Variants in PTPRD observed in about 807,000 individuals in gnomAD.
PTPRD encodes protein tyrosine phosphatase receptor type D.
A neutral mutation model predicts 214.5 loss-of-function variants in PTPRD; 34 were observed. That is an observed-to-expected ratio of 0.16 (90% confidence interval 0.12 to 0.21). The LOEUF is 0.21. Ranked by LOEUF, PTPRD falls within the 10% of genes least tolerant of loss-of-function variation. The pLI, the probability that PTPRD is intolerant of heterozygous loss-of-function variation, is 1.00. For missense variants in PTPRD, 2,545 were observed against 2,398.7 expected (o/e 1.06, Z -1.27); for synonymous variants, 1,128 against 845.7 (o/e 1.33, Z -5.79).
intron 37 of PTPRD, among the ~76,000 whole-genome samples, chr9:8,388,849 T>C (rs1211334205): frequency 6.6e-6 from 1 of 152,214 alleles, no homozygotes; most frequent in Non-Finnish European, 1.5e-5. Context: ...AAAGAAAAAG[T>C]TGAAAATAGT....
In PTPRD at chr9:8,768,936, T is replaced by C. The variant is rs1299220176; in HGVS notation, c.-103-34990A>G. On this transcript the variant is annotated intron_variant, in intron 11 of 45. Transcript: ENST00000381196. ...GGGTAGTCTAATGCCGTTCTTACCATGTTATAGCACTATATAATAAAAACA... is the reference window on the plus strand; with the variant it reads ...GGGTAGTCTAATGCCGTTCTTACCACGTTATAGCACTATATAATAAAAACA... 2.0e-5 allele frequency among the ~76,000 whole-genome samples: 3 copies of C among 152,208 alleles called. No individual in the cohort carries two copies. In the East Asian group the frequency reaches 5.8e-4, roughly 29 times the overall value.
chr9:9,698,877 A>G (rs879673911), intron 7 of PTPRD, among the ~76,000 whole-genome samples: 25 of 152,178 alleles, frequency 1.6e-4, no homozygotes, highest in Non-Finnish European at 3.2e-4. Flanking sequence ...AACTCCTAGC[A>G]TGGAGTTTTT....
chr9:9,865,607 A>T (rs1444827904), intron 5 of PTPRD, among the ~76,000 whole-genome samples: 3 of 152,192 alleles, frequency 2.0e-5, no homozygotes, highest in African/African-American at 7.2e-5. Flanking sequence ...CCAGTTTCAG[A>T]TATTCTGTTA....
chr9:8,697,098 G>C (rs1471498967), intron 12 of PTPRD, among the ~76,000 whole-genome samples: 1 of 152,122 alleles, frequency 6.6e-6, no homozygotes, highest in East Asian at 1.9e-4. Flanking sequence ...TCTAGTATTT[G>C]GCTTTTGGAC....
intron 21 of PTPRD, among the ~76,000 whole-genome samples, chr9:8,508,393 C>T (rs993205713): frequency 1.3e-5 from 2 of 152,196 alleles, no homozygotes; most frequent in Admixed American, 6.5e-5. Context: ...GTCAGGGTGT[C>T]GCTGGCACAT....
chr9:9,574,727 CT>C lies in PTPRD; in HGVS notation c.-237+4del, dbSNP rs1377483704. Reference sequence around the variant, plus strand: ...TAAAATTAGGTAAATTAATTATAATCTTACCGTAAGCTCACAGGTTAGGAAT... The same window carrying C: ...TAAAATTAGGTAAATTAATTATAATCTACCGTAAGCTCACAGGTTAGGAAT... On this transcript the variant is annotated splice_donor_region_variant and intron_variant, in intron 8 of 45. Transcript: ENST00000381196. The C allele has an allele frequency of 6.6e-6, 1 of 151,926 alleles. No individual in the cohort carries two copies. Among genetic ancestry groups the C allele is most frequent in the African/African-American group, 2.4e-5 (1 of 41,386 alleles). The allele number at this position is 151,926 out of a possible 1,614,324, so 9.4% of individuals were successfully genotyped here.
intron 3 of PTPRD, among the ~76,000 whole-genome samples, chr9:10,072,391 C>T (rs572048652): frequency 3.4e-4 from 52 of 152,080 alleles, no homozygotes; most frequent in African/African-American, 1.2e-3. Flanking sequence ...GTGATCTTGC[C>T]GACTTCAAGA....
intron 9 of PTPRD, among the ~76,000 whole-genome samples, chr9:9,338,800 A>G (rs149645366): frequency 0.012 from 1,849 of 152,130 alleles, 34 homozygotes; most frequent in African/African-American, 0.042. Context: ...CCATCAACCC[A>G]TCATCTACAT....
At chr9:10,229,318 G>T (rs2099600164) in intron 3 of PTPRD, among the ~76,000 whole-genome samples, 1 of 152,020 alleles carries the variant, frequency 6.6e-6, no homozygotes, top group African/African-American at 2.4e-5. Flanking sequence ...TCTAGAACTA[G>T]CAATACCATT....
chr9:10,420,943 G>T (rs528130789), intron 2 of PTPRD, among the ~76,000 whole-genome samples: 5 of 151,736 alleles, frequency 3.3e-5, no homozygotes, highest in Non-Finnish European at 7.4e-5. Flanking sequence ...CTTCACTGAG[G>T]AGGCCAATGT....
rs115973679 is a variant in PTPRD at position 9,336,662 on chromosome 9, T to C, written c.-203+60787A>G. 6.5e-3 allele frequency among the ~76,000 whole-genome samples: 997 copies of C among 152,276 alleles called. 11 individuals carry two copies. The highest frequency in any genetic ancestry group is 0.023 in the African/African-American group (945 of 41,572). On this transcript the variant is annotated intron_variant, in intron 9 of 45. Coordinates refer to ENST00000381196, the MANE Select transcript of PTPRD (RefSeq NM_002839.4). ...ACCACATTTGATCCAGGCAGAAATA[T>C]GCTAATATTTTTTAAATGATAAATA... is the stretch of plus-strand genomic sequence containing the variant.
At chr9:8,323,319 C>G (rs1830329265) in intron 44 of PTPRD, among the ~76,000 whole-genome samples, 1 of 152,126 alleles carries the variant, frequency 6.6e-6, no homozygotes, top group Admixed American at 6.5e-5. Flanking sequence ...CCCAATGGAT[C>G]AAGGAGGAAT....
intron 9 of PTPRD, among the ~76,000 whole-genome samples, chr9:9,331,908 A>G (rs1266450363): frequency 6.6e-6 from 1 of 152,006 alleles, no homozygotes; most frequent in Non-Finnish European, 1.5e-5. Flanking sequence ...TTCTGGGGAA[A>G]CTGGAGGGGA....
chr9:8,792,917 T>G (rs909944674), intron 11 of PTPRD, among the ~76,000 whole-genome samples: 6 of 152,174 alleles, frequency 3.9e-5, no homozygotes, highest in Non-Finnish European at 5.9e-5. Flanking sequence ...TACTTCACAT[T>G]TACAAAATGC....
intron 11 of PTPRD, among the ~76,000 whole-genome samples, chr9:8,971,869 C>T (rs2099240634): frequency 1.3e-5 from 2 of 151,606 alleles, no homozygotes; most frequent in African/African-American, 4.8e-5. Flanking sequence ...TTTCTAAAAT[C>T]ACACAGCTTG....
chr9:8,458,303 G>T (rs1028224657), intron 33 of PTPRD, among the ~76,000 whole-genome samples: 2 of 151,822 alleles, frequency 1.3e-5, no homozygotes, highest in African/African-American at 4.8e-5. Flanking sequence ...AAATTATTAG[G>T]GCTATAATCA....
chr9:9,732,074 G>A (rs2098205510), intron 7 of PTPRD, among the ~76,000 whole-genome samples: 1 of 152,078 alleles, frequency 6.6e-6, no homozygotes, highest in Admixed American at 6.6e-5. Flanking sequence ...AAGACTTCCA[G>A]GAGAAAGTGG....
intron 11 of PTPRD, among the ~76,000 whole-genome samples, chr9:8,762,648 TGAGTGCTCAGGAAAA>T (rs1309749278): frequency 2.0e-5 from 3 of 152,168 alleles, no homozygotes; most frequent in African/African-American, 7.2e-5. Context: ...TGCAGCATGA[TGAGTGCTCAGGAAAA>T]GAAATATTTA....
intron 3 of PTPRD, among the ~76,000 whole-genome samples, chr9:10,169,393 G>T (rs1042327262): frequency 6.8e-6 from 1 of 146,774 alleles, no homozygotes; most frequent in African/African-American, 2.5e-5. Flanking sequence ...AGAATGGCGT[G>T]AACCCCGGAG....
Sources: gnomAD v4.1 joint callset for allele counts (sites outside exome capture counted in the v4.1 genomes callset) on GRCh38, gnomAD v4.1.1 for gene constraint, MANE v1.5 for transcripts, NCBI Gene and HGNC (gene_info 2026-07-23, HGNC 2026-07-21) for gene names.